The following CADPS variants were observed in gnomAD, a reference collection of about 807,000 sequenced individuals.
CADPS encodes the protein calcium-dependent secretion activator 1.
Under a neutral mutation model 167.3 loss-of-function variants are expected in CADPS, and 57 were observed. The ratio of observed to expected loss-of-function variants is 0.34; its 90% CI spans 0.28 to 0.42. The LOEUF (loss-of-function observed/expected upper bound fraction) is 0.42, where lower values mean the gene tolerates loss of function less well. Ranked by LOEUF, CADPS falls within the 20% of genes least tolerant of loss-of-function variation. The pLI is 1.00. For missense variants in CADPS, 1,414 were observed against 1,738.1 expected (o/e 0.81, Z 3.32); for synonymous variants, 676 against 635.3 (o/e 1.06, Z -0.96).
intron 3 of CADPS, among the ~76,000 whole-genome samples, chr3:62,675,670 C>T (rs533188902): frequency 1.3e-5 from 2 of 152,040 alleles, no homozygotes; most frequent in African/African-American, 4.8e-5. Flanking sequence ...CCTAGGGTCT[C>T]GTAATCTAAT....
At chr3:62,607,197 TC>T (rs2060808279) in intron 6 of CADPS, among the ~76,000 whole-genome samples, 1 of 152,182 alleles carries the variant, frequency 6.6e-6, no homozygotes, top group African/African-American at 2.4e-5. Flanking sequence ...TGGCAGTCAC[TC>T]AATAAACACC....
intron 6 of CADPS, among the ~76,000 whole-genome samples, chr3:62,633,008 C>G (rs185933015): frequency 3.3e-5 from 5 of 152,008 alleles, no homozygotes; most frequent in Admixed American, 6.6e-5. Context: ...GGTCATTCAC[C>G]GAGACGCTAG....
intron 1 of CADPS, among the ~76,000 whole-genome samples, chr3:62,865,409 A>G (rs1447715444): frequency 1.4e-5 from 2 of 146,270 alleles, no homozygotes; most frequent in Non-Finnish European, 3.0e-5. Context: ...AAAAAAAAAA[A>G]GTTAACTTCT....
At position 62,818,095 on chromosome 3, in the gene CADPS, C is replaced by T. The variant is rs555537565; in HGVS notation, c.442-52111G>A. Among the ~76,000 whole-genome samples, 3 of 152,232 alleles carry T rather than the reference C, an allele frequency of 2.0e-5. No individual in the cohort carries two copies. In the South Asian group the frequency reaches 6.2e-4, roughly 32 times the overall value. On this transcript the variant is annotated intron_variant, in intron 1 of 29. Transcript: ENST00000383710. ...TCCAGAGTGAGACAGAAACCACCTA[C>T]TGAGAATTGTTTTTTTAATGCTTCC...
At chr3:62,450,441 T>C (rs534002578) in intron 26 of CADPS, among the ~76,000 whole-genome samples, 3 of 152,300 alleles carry the variant, frequency 2.0e-5, no homozygotes, top group South Asian at 4.1e-4. Context: ...TTGCCCCAGA[T>C]ACCTGGTCTG....
At chr3:62,700,972 G>A (rs2151535894) in intron 3 of CADPS, among the ~76,000 whole-genome samples, 1 of 152,148 alleles carries the variant, frequency 6.6e-6, no homozygotes, top group Non-Finnish European at 1.5e-5. Flanking sequence ...CTTGCAGATG[G>A]CCAAGTTCTT....
intron 3 of CADPS, among the ~76,000 whole-genome samples, chr3:62,734,001 T>G (rs2078472509): frequency 6.6e-6 from 1 of 152,194 alleles, no homozygotes; most frequent in Non-Finnish European, 1.5e-5. Context: ...TATTCCATGG[T>G]GTATATGTAC....
intron 17 of CADPS, among the ~76,000 whole-genome samples, chr3:62,506,781 C>T (rs904085777): frequency 6.6e-6 from 1 of 152,128 alleles, no homozygotes; most frequent in Non-Finnish European, 1.5e-5. Flanking sequence ...AGCATGTGAC[C>T]CAAGCTGGGC....
intron 18 of CADPS, chr3:62,498,017 T>C: frequency 2.4e-6 from 1 of 423,268 alleles, no homozygotes; most frequent in Non-Finnish European, 4.7e-6. Flanking sequence ...TGGAAGTTGC[T>C]GTTACATTCC....
At chr3:62,493,054 C>T (rs948490126) in intron 19 of CADPS, among the ~76,000 whole-genome samples, 1 of 152,120 alleles carries the variant, frequency 6.6e-6, no homozygotes, top group Non-Finnish European at 1.5e-5. Context: ...GTTTTGTATC[C>T]AGTCTGGAGG....
At chr3:62,828,853 C>T (rs2164881) in intron 1 of CADPS, among the ~76,000 whole-genome samples, 45,737 of 151,948 alleles carry the variant, frequency 0.3, 7,570 homozygotes, top group East Asian at 0.49. Flanking sequence ...CTTACTTTGG[C>T]CTACCTGTGT....
intron 3 of CADPS, among the ~76,000 whole-genome samples, chr3:62,677,228 G>T (rs142501860): frequency 4.8e-3 from 730 of 151,962 alleles, no homozygotes; most frequent in Non-Finnish European, 7.3e-3. Flanking sequence ...AGACAAAAGG[G>T]TCAAGTCTCC....
At chr3:62,589,719 C>G (rs546318733) in intron 7 of CADPS, among the ~76,000 whole-genome samples, 4 of 152,268 alleles carry the variant, frequency 2.6e-5, no homozygotes, top group African/African-American at 9.6e-5. Flanking sequence ...CTGGCTTGAT[C>G]GCTCTGGAGA....
In CADPS at chr3:62,753,904, C is replaced by T; in HGVS notation, c.556-131G>A. On this transcript the variant is annotated intron_variant, in intron 2 of 29. Transcript: ENST00000383710. The surrounding 1 kb of genome is among the most constrained non-coding windows in gnomAD (Gnocchi z 4.6). ...GGAACCACTGTGGGTCTCACCCTGCCCCACCACCTCCTGGCTGTGCAAACT... is the reference window on the plus strand; with the variant it reads ...GGAACCACTGTGGGTCTCACCCTGCTCCACCACCTCCTGGCTGTGCAAACT... 1 of 757,316 alleles carries T rather than the reference C, an allele frequency of 1.3e-6. No homozygotes were observed. The highest frequency in any genetic ancestry group is 1.9e-5 in the South Asian group (1 of 53,520). 46.9% of individuals were successfully genotyped at this position (757,316 alleles called of 1,614,324 possible).
intron 3 of CADPS, among the ~76,000 whole-genome samples, chr3:62,679,691 A>G (rs1038729844): frequency 2.6e-5 from 4 of 151,992 alleles, no homozygotes; most frequent in Admixed American, 2.6e-4. Context: ...ACTGCCCAAG[A>G]CTTTTCAACT....
intron 3 of CADPS, among the ~76,000 whole-genome samples, chr3:62,710,232 C>A (rs1261243695): frequency 6.6e-6 from 1 of 151,478 alleles, no homozygotes; most frequent in South Asian, 2.1e-4. Flanking sequence ...TCTCATGAAG[C>A]GTCTAGGTGG....
At chr3:62,643,060 AG>A in intron 6 of CADPS, among the ~76,000 whole-genome samples, 1 of 152,344 alleles carries the variant, frequency 6.6e-6, no homozygotes, top group East Asian at 1.9e-4. Context: ...AAGAGTATTG[AG>A]TACAGAATTG....
intron 1 of CADPS, among the ~76,000 whole-genome samples, chr3:62,869,821 C>T (rs1226108072): frequency 6.6e-6 from 1 of 152,110 alleles, no homozygotes; most frequent in African/African-American, 2.4e-5. Flanking sequence ...TCTCATCATT[C>T]CAGCTTAAGT....
chr3:62,800,450 A>G (rs2093693860), intron 1 of CADPS, among the ~76,000 whole-genome samples: 1 of 152,166 alleles, frequency 6.6e-6, no homozygotes, highest in Non-Finnish European at 1.5e-5. Flanking sequence ...GACTATGACT[A>G]ATTTATTATA....
Sources: allele counts gnomAD v4.1 joint callset (sites outside exome capture counted in the v4.1 genomes callset), GRCh38; gene constraint gnomAD v4.1.1; non-coding constraint Gnocchi (gnomAD v3.1); transcripts MANE v1.5; gene names NCBI Gene and HGNC (gene_info 2026-07-23, HGNC 2026-07-21).